The following RANBP17 variants were observed in gnomAD, a reference collection of about 807,000 sequenced individuals.
RANBP17 encodes RAN binding protein 17.
A neutral mutation model predicts 141.2 loss-of-function variants in RANBP17; 158 were observed. The observed-to-expected ratio is 1.12, with a 90% CI of 0.98 to 1.28. The LOEUF is 1.28. RANBP17 is among the 50% of genes most tolerant of loss of function. RANBP17 has a pLI of 0.00. For missense variants in RANBP17, 1,438 were observed against 1,290.7 expected (o/e 1.11, Z -1.75); for synonymous variants, 430 against 450.0 (o/e 0.96, Z 0.56).
chr5:171,150,383 C>A (rs959123606), intron 14 of RANBP17, among the ~76,000 whole-genome samples: 1 of 151,250 alleles, frequency 6.6e-6, no homozygotes, highest in Admixed American at 6.6e-5. Context: ...ATAACAGATT[C>A]GTAATGATAG....
chr5:170,919,302 T>G, intron 10 of RANBP17, 139 bp from the exon 11 acceptor site: 1 of 548,830 alleles, frequency 1.8e-6, no homozygotes, highest in Non-Finnish European at 2.9e-6. Flanking sequence ...CATTTATAAA[T>G]TTGCTATATT....
At chr5:171,088,002 T>G (rs1207208429) in intron 14 of RANBP17, among the ~76,000 whole-genome samples, 1 of 151,708 alleles carries the variant, frequency 6.6e-6, no homozygotes, top group African/African-American at 2.4e-5. Flanking sequence ...TTTGATCCTG[T>G]CATTATGATG....
chr5:171,088,305 G>A (rs1223684348), intron 14 of RANBP17, among the ~76,000 whole-genome samples: 1 of 152,092 alleles, frequency 6.6e-6, no homozygotes, highest in African/African-American at 2.4e-5. Context: ...CACTCTTCTG[G>A]CTTATAGGGT....
intron 14 of RANBP17, among the ~76,000 whole-genome samples, chr5:171,024,816 A>C (rs950866856): frequency 1.3e-5 from 2 of 151,474 alleles, no homozygotes; most frequent in Non-Finnish European, 2.9e-5. Flanking sequence ...CTTAAATAGC[A>C]TCATGCACTC....
intron 6 of RANBP17, 188 bp from the exon 7 acceptor site, chr5:170,910,781 C>A: frequency 1.8e-6 from 1 of 549,810 alleles, no homozygotes; most frequent in Non-Finnish European, 3.2e-6. Context: ...GAATGTGATT[C>A]TTTTATGCAT....
At chr5:171,064,042 C>T (rs1784119838) in intron 14 of RANBP17, among the ~76,000 whole-genome samples, 1 of 152,226 alleles carries the variant, frequency 6.6e-6, no homozygotes, top group South Asian at 2.1e-4. Flanking sequence ...TGGGAGTGAC[C>T]CGATTTTCCA....
intron 14 of RANBP17, among the ~76,000 whole-genome samples, chr5:171,092,531 C>T (rs1786375183): frequency 6.6e-6 from 1 of 152,214 alleles, no homozygotes; most frequent in South Asian, 2.1e-4. Flanking sequence ...CGGTATAAGA[C>T]TATGCCTCCA....
At chr5:171,211,637 T>G (rs532500325) in intron 20 of RANBP17, among the ~76,000 whole-genome samples, 100 of 151,080 alleles carry the variant, frequency 6.6e-4, no homozygotes, top group African/African-American at 2.4e-3. Flanking sequence ...GGTTTTTTTT[T>G]TTTTTTTTTT....
chr5:171,249,642 A>G (rs760527667), intron 24 of RANBP17, among the ~76,000 whole-genome samples: 2 of 152,230 alleles, frequency 1.3e-5, no homozygotes, highest in South Asian at 2.1e-4. Flanking sequence ...GAAAGCTTCA[A>G]TAGTTGGCTA....
At chr5:171,233,447 A>C (rs1210682483) in intron 22 of RANBP17, among the ~76,000 whole-genome samples, 1 of 151,942 alleles carries the variant, frequency 6.6e-6, no homozygotes, top group Non-Finnish European at 1.5e-5. Flanking sequence ...AAAAACATGC[A>C]CACTGATACT....
chr5:170,894,578 C>T (rs747033874), intron 4 of RANBP17, among the ~76,000 whole-genome samples: 99 of 148,850 alleles, frequency 6.7e-4, no homozygotes, highest in Non-Finnish European at 1.3e-3. Context: ...AGAATATTAT[C>T]ATATGGTTCC....
At chr5:170,909,598 T>TTTTGTA in intron 5 of RANBP17, 63 bp from the exon 6 acceptor site, 1 of 513,778 alleles carries the variant, frequency 1.9e-6, no homozygotes, top group Non-Finnish European at 3.3e-6. Context: ...TTTTTTTTTT[T>TTTTGTA]AGTAAATTTT....
intron 24 of RANBP17, among the ~76,000 whole-genome samples, chr5:171,259,615 A>G (rs1339646297): frequency 6.6e-6 from 1 of 152,238 alleles, no homozygotes; most frequent in East Asian, 1.9e-4. Context: ...GCAAAGAAAG[A>G]CAGATACCAC....
At chr5:171,159,942 GAAA>G (rs1313192153) in intron 14 of RANBP17, among the ~76,000 whole-genome samples, 90 of 124,830 alleles carry the variant, frequency 7.2e-4, no homozygotes, top group Non-Finnish European at 1.0e-3. Flanking sequence ...AAAAAAAAAA[GAAA>G]AAAGAAGAAA....
At chr5:171,222,645 G>T (rs992841551) in intron 22 of RANBP17, among the ~76,000 whole-genome samples, 23 of 148,528 alleles carry the variant, frequency 1.5e-4, no homozygotes, top group African/African-American at 5.2e-4. Context: ...TTTTTTTTTT[G>T]AGACGGAGTC....
intron 14 of RANBP17, among the ~76,000 whole-genome samples, chr5:171,068,568 T>TG (rs1399632239): frequency 3.9e-5 from 5 of 127,712 alleles, no homozygotes; most frequent in Non-Finnish European, 6.7e-5. Flanking sequence ...GTTACTTTCC[T>TG]TTTGTTGTTG....
intron 14 of RANBP17, among the ~76,000 whole-genome samples, chr5:171,163,609 TC>T (rs1035457766): frequency 6.6e-6 from 1 of 152,192 alleles, no homozygotes; most frequent in Non-Finnish European, 1.5e-5. Context: ...TAAATTCTCT[TC>T]CTAAGGAACA....
intron 22 of RANBP17, among the ~76,000 whole-genome samples, chr5:171,230,872 G>T (rs1368041267): frequency 6.6e-6 from 1 of 152,068 alleles, no homozygotes; most frequent in Non-Finnish European, 1.5e-5. Flanking sequence ...TGATAGCGTT[G>T]TGGTAGGTGA....
intron 12 of RANBP17, among the ~76,000 whole-genome samples, chr5:170,946,156 C>T (rs1461643824): frequency 6.6e-6 from 1 of 152,026 alleles, no homozygotes; most frequent in African/African-American, 2.4e-5. Flanking sequence ...AGATACAGTA[C>T]TTAGAACAGT....
Sources: allele counts gnomAD v4.1 joint callset (sites outside exome capture counted in the v4.1 genomes callset), GRCh38; gene constraint gnomAD v4.1.1; transcripts MANE v1.5; gene names NCBI Gene and HGNC (gene_info 2026-07-23, HGNC 2026-07-21).